PKHD1: variants seen among roughly 807,000 people sequenced by gnomAD.
The protein encoded by PKHD1 is fibrocystin.
In PKHD1, 291 loss-of-function variants were observed where a neutral mutation model predicts 412.0. That is an observed-to-expected ratio of 0.71 (90% CI 0.64 to 0.78). The LOEUF is 0.78. PKHD1 is among the 30% of genes least tolerant of loss of function. PKHD1 has a pLI of 0.00. For missense variants in PKHD1, 4,825 were observed against 4,950.7 expected, an observed-to-expected ratio of 0.97 and a Z score of 0.76; for synonymous variants, 1,777 against 1,821.5, an observed-to-expected ratio of 0.98 and a Z score of 0.62.
intron 66 of PKHD1, among the ~76,000 whole-genome samples, chr6:51,626,051 T>C (rs916723829): frequency 6.6e-6 from 1 of 152,034 alleles, no homozygotes; most frequent in Non-Finnish European, 1.5e-5. Flanking sequence ...CTTTATTTCT[T>C]TCATGGAAAA....
intron 40 of PKHD1, among the ~76,000 whole-genome samples, chr6:51,906,545 A>C (rs1782126679): frequency 6.6e-6 from 1 of 152,140 alleles, no homozygotes; most frequent in Admixed American, 6.6e-5. Flanking sequence ...GAAATTCAAC[A>C]ATCAAGTGTT....
intron 60 of PKHD1, among the ~76,000 whole-genome samples, chr6:51,737,155 C>A (rs989606171): frequency 4.6e-5 from 7 of 152,142 alleles, no homozygotes; most frequent in Admixed American, 1.3e-4. Context: ...CCTACTGTCT[C>A]ATGGTAAAGA....
intron 53 of PKHD1, among the ~76,000 whole-genome samples, chr6:51,780,815 G>C (rs1791867998): frequency 6.6e-6 from 1 of 152,112 alleles, no homozygotes; most frequent in East Asian, 1.9e-4. Flanking sequence ...TCAAAAGAGG[G>C]GAAACTGGCC....
intron 55 of PKHD1, among the ~76,000 whole-genome samples, chr6:51,762,000 G>A (rs1788096523): frequency 6.6e-6 from 1 of 151,908 alleles, no homozygotes; most frequent in South Asian, 2.1e-4. Context: ...CAGTCCATCA[G>A]GAGTCATGTC....
chr6:51,751,555 T>A (rs1786116269), intron 57 of PKHD1, among the ~76,000 whole-genome samples: 1 of 152,200 alleles, frequency 6.6e-6, no homozygotes, highest in Non-Finnish European at 1.5e-5. Flanking sequence ...CTTTGCAGCT[T>A]TTCTATAAAT....
chr6:51,626,158 T>C (rs1054606980), intron 66 of PKHD1, among the ~76,000 whole-genome samples: 1 of 151,978 alleles, frequency 6.6e-6, no homozygotes, highest in Non-Finnish European at 1.5e-5. Flanking sequence ...AAGATCTCAC[T>C]CAGCTACTTA....
chr6:51,791,420 T>C lies in PKHD1; in HGVS notation c.8303-47A>G, dbSNP rs775140085. On this transcript the variant is annotated intron_variant, in intron 52 of 66. Coordinates refer to ENST00000371117, the MANE Select transcript of PKHD1 (RefSeq NM_138694.4). ...CTCAGATATGTCACAAAAACAAGAA[T>C]TACGTGTTTATTCTGGGGTTCTCCC... The C allele has an allele frequency of 6.3e-6, 10 of 1,588,546 alleles. No homozygotes were observed. The South Asian group carries it at 9.9e-5, about 16-fold the overall frequency.
intron 34 of PKHD1, among the ~76,000 whole-genome samples, chr6:52,015,825 A>C (rs1222431290): frequency 2.0e-5 from 3 of 150,972 alleles, no homozygotes; most frequent in African/African-American, 4.9e-5. Flanking sequence ...CTCAGTCTCA[A>C]AAAAAAAAGA....
At chr6:52,002,439 C>T (rs1798543164) in intron 35 of PKHD1, among the ~76,000 whole-genome samples, 1 of 152,198 alleles carries the variant, frequency 6.6e-6, no homozygotes, top group Admixed American at 6.5e-5. Context: ...TCCAGCTTCT[C>T]CTCCCCCTGA....
Position 51,755,485 on chromosome 6 carries a change from C to T in PKHD1, c.8643-547G>A, listed in dbSNP as rs149777712. On this transcript the variant is annotated intron_variant, in intron 55 of 66. Transcript: ENST00000371117. ...GTCACTTCACTCCTCGGCTTCATAT[C>T]CTCATCTGAAAAGGCTATATTTGTA... Among the ~76,000 whole-genome samples, 464 of 152,236 alleles carry T rather than the reference C, an allele frequency of 3.0e-3. 1 individual carries two copies. The highest frequency in any genetic ancestry group is 5.2e-3 in the Non-Finnish European group (351 of 68,006).
chr6:51,855,927 T>C lies in PKHD1; in HGVS notation c.7877A>G (p.Gln2626Arg). ...TCTGTTGATCCAAAGGTTCTCAGAT[T>C]GCAATGAGTAGGTCTCTTGGTCCAA... ...LLLDQETYSLQSENLWINRSL... is the reference protein window; with the variant it reads ...LLLDQETYSLRSENLWINRSL... Residue 2626 changes from glutamine to arginine, a missense_variant, in exon 49 of 67, where the codon CAA (glutamine) becomes CGA (arginine). By Grantham distance (43) the Gln-to-Arg change is conservative (BLOSUM62 1). Transcript: ENST00000371117. The C allele has an allele frequency of 6.2e-7, 1 of 1,614,076 alleles. No homozygotes were observed. Among genetic ancestry groups the C allele is most frequent in the Non-Finnish European group, 8.5e-7 (1 of 1,179,892 alleles).
intron 52 of PKHD1, among the ~76,000 whole-genome samples, chr6:51,804,152 G>A (rs1190515684): frequency 6.6e-6 from 1 of 151,044 alleles, no homozygotes; most frequent in Non-Finnish European, 1.5e-5. Flanking sequence ...TCCTACTTTC[G>A]AGTGCCCATC....
chr6:51,822,225 C>A (rs189622689), intron 52 of PKHD1, among the ~76,000 whole-genome samples: 19 of 152,288 alleles, frequency 1.2e-4, no homozygotes, highest in Admixed American at 1.2e-3. Flanking sequence ...CTTGAAGACA[C>A]CGATACAATC....
intron 60 of PKHD1, among the ~76,000 whole-genome samples, chr6:51,696,827 A>T (rs1562119874): frequency 1.3e-5 from 2 of 152,194 alleles, no homozygotes; most frequent in South Asian, 4.1e-4. Flanking sequence ...ACTGACGACC[A>T]ATCCTTGAAA....
At chr6:51,789,849 A>C (rs1401250145) in intron 53 of PKHD1, among the ~76,000 whole-genome samples, 1 of 152,218 alleles carries the variant, frequency 6.6e-6, no homozygotes, top group Non-Finnish European at 1.5e-5. Flanking sequence ...AAAAGGAGTA[A>C]GATACTTGTC....
intron 60 of PKHD1, among the ~76,000 whole-genome samples, chr6:51,699,332 T>A (rs965479551): frequency 5.9e-5 from 9 of 152,194 alleles, no homozygotes; most frequent in Non-Finnish European, 1.5e-5. Flanking sequence ...GTTGCAATCA[T>A]ACAGGATGTG....
intron 2 of PKHD1, among the ~76,000 whole-genome samples, 184 bp downstream of exon 2, chr6:52,084,698 C>T (rs1287299683): frequency 2.0e-5 from 3 of 152,124 alleles, no homozygotes; most frequent in African/African-American, 7.2e-5. Context: ...AATTTAAACC[C>T]AAAAGCAAAT....
chr6:51,842,428 AG>A (rs1418767242), intron 50 of PKHD1, among the ~76,000 whole-genome samples: 1 of 152,212 alleles, frequency 6.6e-6, no homozygotes, highest in Non-Finnish European at 1.5e-5. Flanking sequence ...CCAATATAAA[AG>A]GACAGGGTCA....
intron 8 of PKHD1, among the ~76,000 whole-genome samples, chr6:52,071,716 C>A (rs759246476): frequency 4.6e-5 from 7 of 152,164 alleles, no homozygotes; most frequent in Admixed American, 3.3e-4. Context: ...AGGTCTGCCA[C>A]TTGCTCTCTG....
Sources: allele counts gnomAD v4.1 joint callset (sites outside exome capture counted in the v4.1 genomes callset), GRCh38; gene constraint gnomAD v4.1.1; transcripts MANE v1.5; gene names NCBI Gene and HGNC (gene_info 2026-07-23, HGNC 2026-07-21).